The following PCSK6 variants were observed in gnomAD, a reference collection of about 807,000 sequenced individuals.
PCSK6 encodes proprotein convertase subtilisin/kexin type 6.
In PCSK6, 85 loss-of-function variants were observed where a neutral mutation model predicts 123.3. The ratio of observed to expected loss-of-function variants is 0.69; its 90% confidence interval spans 0.58 to 0.83. PCSK6 has a LOEUF of 0.83. Among genes scored for constraint, PCSK6 ranks in the 40% least tolerant of loss-of-function variants. The probability of loss-of-function intolerance (pLI) is 0.00; values close to 1 mark genes in which losing one functional copy is unlikely to be tolerated. For missense variants in PCSK6, 1,191 were observed against 1,282.3 expected, an observed-to-expected ratio of 0.93 and a Z score of 1.09; for synonymous variants, 508 against 516.0, an observed-to-expected ratio of 0.98 and a Z score of 0.21.
At position 101,332,002 on chromosome 15, in the gene PCSK6, A is replaced by C; in HGVS notation, c.1888T>G (p.Tyr630Asp). 1 of 1,611,494 alleles carries C rather than the reference A, an allele frequency of 6.2e-7. No individual in the cohort carries two copies. The highest frequency in any genetic ancestry group is 2.2e-5 in the East Asian group (1 of 44,816). The change falls in exon 14 of 22, where the codon TAT (tyrosine) becomes GAT (aspartate). Residue 630 changes from tyrosine (Y) to aspartate (D), a missense_variant. By Grantham distance (160) the Tyr-to-Asp change is radical. This residue lies in a region of PCSK6 where 630 missense variants were observed against 631.4 expected (regional missense o/e 1.00). Coordinates refer to ENST00000611716, the MANE Select transcript of PCSK6 (RefSeq NM_002570.5). ...TGGTACGGGTGCTCTGCTGTGCCAT[A>C]CAGTATGAGGCTCCATTCTTTCAAC... ...GKLKEWSLIL[Y>D]GTAEHPYHTF...
chr15:101,453,565 C>G (rs916569684), intron 1 of PCSK6, among the ~76,000 whole-genome samples: 25 of 152,180 alleles, frequency 1.6e-4, no homozygotes, highest in Admixed American at 1.3e-4. Context: ...TCCAGAGAAG[C>G]CAGCATTTGG....
chr15:101,395,716 C>A (rs1380082750), intron 7 of PCSK6, among the ~76,000 whole-genome samples: 1 of 152,200 alleles, frequency 6.6e-6, no homozygotes, highest in African/African-American at 2.4e-5. Context: ...CAACTTCAAC[C>A]CAATCAAATC....
At chr15:101,483,524 G>A (rs1359903091) in intron 1 of PCSK6, among the ~76,000 whole-genome samples, 1 of 152,168 alleles carries the variant, frequency 6.6e-6, no homozygotes, top group Non-Finnish European at 1.5e-5. Context: ...CCCAGGCAAA[G>A]CAAAAACCCA....
chr15:101,462,354 G>C (rs535923416), intron 1 of PCSK6, among the ~76,000 whole-genome samples: 41 of 152,292 alleles, frequency 2.7e-4, no homozygotes, highest in African/African-American at 9.6e-4. Context: ...AGATACATTA[G>C]ATAGATAGAT....
At chr15:101,441,091 C>A (rs2056742484) in intron 2 of PCSK6, among the ~76,000 whole-genome samples, 1 of 152,264 alleles carries the variant, frequency 6.6e-6, no homozygotes, top group East Asian at 1.9e-4. Context: ...TGGCAGGATG[C>A]ATTGATAGAA....
intron 19 of PCSK6, among the ~76,000 whole-genome samples, chr15:101,315,031 C>T (rs1020599168): frequency 1.3e-5 from 2 of 152,208 alleles, no homozygotes; most frequent in Non-Finnish European, 2.9e-5. Context: ...TCACGCCTCA[C>T]CTGCTGAACC....
chr15:101,436,539 T>C (rs1438373291), intron 2 of PCSK6, among the ~76,000 whole-genome samples: 2 of 152,286 alleles, frequency 1.3e-5, no homozygotes, highest in East Asian at 3.9e-4. Context: ...CACCAGGGCA[T>C]ATCAAGGGAG....
chr15:101,384,520 C>T (rs187473085), intron 9 of PCSK6, 95 bp from the exon 10 acceptor site: 2 of 939,218 alleles, frequency 2.1e-6, no homozygotes, highest in African/African-American at 1.6e-5. Flanking sequence ...CAACCCACGT[C>T]TGAACTTCAG....
intron 18 of PCSK6, 88 bp downstream of exon 18, chr15:101,322,432 A>T: frequency 1.1e-6 from 1 of 895,352 alleles, no homozygotes; most frequent in Non-Finnish European, 1.8e-6. Context: ...TTCAGCTTTT[A>T]GGAGAAATGC....
chr15:101,431,189 CAT>C, intron 4 of PCSK6, 129 bp downstream of exon 4: 1 of 901,468 alleles, frequency 1.1e-6, no homozygotes, highest in South Asian at 1.7e-5. Context: ...TTCTTTCCAG[CAT>C]AGTTTTCTTT....
At chr15:101,329,789 G>A (rs1205373681) in intron 15 of PCSK6, among the ~76,000 whole-genome samples, 1 of 152,228 alleles carries the variant, frequency 6.6e-6, no homozygotes, top group Non-Finnish European at 1.5e-5. Context: ...CTGAGGCCCA[G>A]GCTTCCCTGT....
At chr15:101,306,327 C>T (rs2039721676) in intron 21 of PCSK6, among the ~76,000 whole-genome samples, 1 of 152,076 alleles carries the variant, frequency 6.6e-6, no homozygotes, top group Admixed American at 6.5e-5. Context: ...TTTGAAGGGA[C>T]ATAATTAGAC....
rs144790174 is a variant in PCSK6, at chr15:101,464,877, C to G, written c.298-21217G>C. Among the ~76,000 whole-genome samples the G allele has an allele frequency of 2.4e-3, 369 of 152,322 alleles. 2 individuals are homozygous for G. Among genetic ancestry groups the G allele is most frequent in the African/African-American group, 8.5e-3 (353 of 41,580 alleles). On this transcript the variant is annotated intron_variant, in intron 1 of 21. Transcript: ENST00000611716. ...GCTCCCACAGCACCAGGTTCCCACTCTCCACGGGAACTGCGGGATCCTGGG... is the reference window on the plus strand; with the variant it reads ...GCTCCCACAGCACCAGGTTCCCACTGTCCACGGGAACTGCGGGATCCTGGG...
intron 13 of PCSK6, among the ~76,000 whole-genome samples, chr15:101,349,910 TTTTTTA>T (rs752740682): frequency 3.9e-5 from 6 of 152,242 alleles, no homozygotes; most frequent in Non-Finnish European, 8.8e-5. Context: ...TTCGTTTATT[TTTTTTA>T]TTTTTATTTT....
chr15:101,390,918 C>T (rs955993302), intron 8 of PCSK6, among the ~76,000 whole-genome samples: 1 of 152,156 alleles, frequency 6.6e-6, no homozygotes, highest in African/African-American at 2.4e-5. Flanking sequence ...ACCCACCCAC[C>T]CACCACAGGA....
rs1293056871 is a variant in PCSK6, at chr15:101,398,377, C to T, written c.996+27G>A. On this transcript the variant is annotated intron_variant, in intron 7 of 21. Coordinates refer to ENST00000611716, the MANE Select transcript of PCSK6 (RefSeq NM_002570.5). The surrounding 1 kb of genome is among the most constrained non-coding windows in gnomAD (Gnocchi z 4.6). The stretch of plus-strand genomic sequence containing the variant: ...TTACTGTCACCCTTGTCCCAGAGCG[C>T]TCCCCTGTAGCCCTGGTTACTCACA... 2 of 1,585,886 alleles carry T rather than the reference C, an allele frequency of 1.3e-6. No homozygotes were observed. Among genetic ancestry groups the T allele is most frequent in the Admixed American group, 1.7e-5 (1 of 58,066 alleles).
chr15:101,475,461 TAATA>T (rs1354256896), intron 1 of PCSK6, among the ~76,000 whole-genome samples: 1 of 152,168 alleles, frequency 6.6e-6, no homozygotes, highest in African/African-American at 2.4e-5. Flanking sequence ...TTAAAATGCC[TAATA>T]AATAAAGAGA....
chr15:101,343,073 A>T (rs2040654757), intron 13 of PCSK6, among the ~76,000 whole-genome samples: 1 of 152,168 alleles, frequency 6.6e-6, no homozygotes, highest in Non-Finnish European at 1.5e-5. Flanking sequence ...TAAATTATAG[A>T]ATCAATTTCT....
Position 101,357,893 on chromosome 15 carries a change from C to T in PCSK6, c.1858+8303G>A, listed in dbSNP as rs1023905914. ...CACTGCAGGCCCCCATCCACACTGA[C>T]GCCTTCTGTGGGCACCAGAGCATCC... On this transcript the variant is annotated intron_variant, in intron 13 of 21. Coordinates refer to ENST00000611716, the MANE Select transcript of PCSK6 (RefSeq NM_002570.5). Among the ~76,000 whole-genome samples, 15 of 152,342 alleles carry T rather than the reference C, an allele frequency of 9.8e-5. No individual in the cohort carries two copies. In the East Asian group the frequency reaches 2.1e-3, roughly 22 times the overall value.
Sources: allele counts gnomAD v4.1 joint callset (sites outside exome capture counted in the v4.1 genomes callset), GRCh38; gene constraint gnomAD v4.1.1; regional missense constraint gnomAD v4.1.1; non-coding constraint Gnocchi (gnomAD v3.1); transcripts MANE v1.5; gene names NCBI Gene and HGNC (gene_info 2026-07-23, HGNC 2026-07-21).